POU2AF1: variants seen among roughly 807,000 people sequenced by gnomAD.
POU2AF1 encodes the protein POU domain class 2-associating factor 1.
Under a neutral mutation model 26.3 loss-of-function variants are expected in POU2AF1, and 12 were observed. That is an observed-to-expected ratio of 0.46 (90% CI 0.29 to 0.74). The LOEUF is 0.74. Among genes scored for constraint, POU2AF1 ranks in the 30% least tolerant of loss-of-function variants. The probability of loss-of-function intolerance (pLI) is 0.09; values close to 1 mark genes in which losing one functional copy is unlikely to be tolerated. For missense variants in POU2AF1, 297 were observed against 334.5 expected (o/e 0.89, Z 0.87); for synonymous variants, 175 against 148.0 (o/e 1.18, Z -1.32).
chr11:111,372,059 C>CAGAGAGAG (rs1257581791), intron 1 of POU2AF1, among the ~76,000 whole-genome samples: 24 of 143,808 alleles, frequency 1.7e-4, no homozygotes, highest in African/African-American at 5.7e-4. Flanking sequence ...CACACACACA[C>CAGAGAGAG]ACACACACAC....
chr11:111,358,702 A>T (rs1457054023), intron 2 of POU2AF1, 86 bp downstream of exon 2: 13 of 1,470,488 alleles, frequency 8.8e-6, no homozygotes, highest in Non-Finnish European at 1.0e-5. Flanking sequence ...ACATACTCAC[A>T]CACACATACA....
intron 1 of POU2AF1, among the ~76,000 whole-genome samples, chr11:111,361,700 C>A (rs1017556466): frequency 5.3e-5 from 8 of 152,132 alleles, no homozygotes; most frequent in African/African-American, 1.9e-4. Flanking sequence ...CCTCCATTAC[C>A]TTCTAATGAA....
In POU2AF1 at chr11:111,358,910, G is replaced by A. The variant is rs778714103; in HGVS notation, c.25C>T (p.Pro9Ser). The stretch of plus-strand genomic sequence containing the variant: ...CGGGCCGGGGCTGGGGCTTGCTCCG[G>A]AGCTGTGGCTGTGAAAAGCAATGTC... MLWQKPTA[P>S]EQAPAPARPY... Residue 9 changes from proline (P) to serine (S), a missense_variant, in exon 2 of 5, where the codon CCG becomes TCG. By Grantham distance (74) the Pro-to-Ser change is moderately conservative (BLOSUM62 -1). Transcript: ENST00000393067. 1.5e-5 allele frequency: 24 copies of A among 1,603,466 alleles called. No homozygotes were observed. The highest frequency in any genetic ancestry group is 1.9e-5 in the Non-Finnish European group (22 of 1,178,894).
intron 1 of POU2AF1, among the ~76,000 whole-genome samples, chr11:111,364,984 T>C (rs1460638601): frequency 6.6e-6 from 1 of 152,204 alleles, no homozygotes. Flanking sequence ...ATTTAAGCAA[T>C]ATCTAATTTT....
chr11:111,358,380 T>TCTCA, intron 2 of POU2AF1, among the ~76,000 whole-genome samples: 1 of 16,112 alleles, frequency 6.2e-5, no homozygotes, highest in Non-Finnish European at 1.9e-4. Flanking sequence ...ACACACTCTC[T>TCTCA]CACACACACT....
intron 1 of POU2AF1, 145 bp downstream of exon 1, chr11:111,379,017 C>A: frequency 2.1e-6 from 1 of 473,278 alleles, no homozygotes. Flanking sequence ...CCTCCCCCCT[C>A]CCTGCTCCGG....
chr11:111,362,729 G>A (rs1405332540), intron 1 of POU2AF1, among the ~76,000 whole-genome samples: 1 of 152,072 alleles, frequency 6.6e-6, no homozygotes, highest in African/African-American at 2.4e-5. Context: ...CTGAGGCATT[G>A]TGTACTCAAG....
intron 1 of POU2AF1, among the ~76,000 whole-genome samples, chr11:111,373,496 A>C (rs937508045): frequency 8.5e-5 from 13 of 152,362 alleles, no homozygotes; most frequent in African/African-American, 2.6e-4. Context: ...AGCAGATAGA[A>C]GAATCCCATC....
At chr11:111,363,497 C>T in intron 1 of POU2AF1, 2 of 1,005,728 alleles carry the variant, frequency 2.0e-6, no homozygotes, top group Non-Finnish European at 2.4e-6. Context: ...CTACTGCCAC[C>T]AGCATGAGAA....
At chr11:111,362,829 A>G (rs1861036338) in intron 1 of POU2AF1, 1 of 152,300 alleles carries the variant, frequency 6.6e-6, no homozygotes, top group Admixed American at 6.5e-5. Context: ...GCTCAATCCC[A>G]TATGCACATA....
At chr11:111,369,807 G>T (rs1487832524) in intron 1 of POU2AF1, among the ~76,000 whole-genome samples, 1 of 152,156 alleles carries the variant, frequency 6.6e-6, no homozygotes, top group Non-Finnish European at 1.5e-5. Flanking sequence ...GCAGAGGAAA[G>T]GGCTGTCTCT....
chr11:111,359,327 A>C, intron 1 of POU2AF1: 1 of 228,840 alleles, frequency 4.4e-6, no homozygotes, highest in Non-Finnish European at 8.6e-6. Context: ...ACTTCTTCCA[A>C]CCTCTTGATT....
intron 1 of POU2AF1, among the ~76,000 whole-genome samples, chr11:111,366,803 C>A (rs894722944): frequency 2.0e-5 from 3 of 152,082 alleles, no homozygotes; most frequent in Non-Finnish European, 4.4e-5. Flanking sequence ...AGTCTTAGAG[C>A]CACAGAGCCC....
chr11:111,377,239 G>A (rs1861325864), intron 1 of POU2AF1, among the ~76,000 whole-genome samples: 1 of 151,852 alleles, frequency 6.6e-6, no homozygotes, highest in Non-Finnish European at 1.5e-5. Context: ...AAACAGCTGG[G>A]TGTGGTGGCG....
intron 1 of POU2AF1, among the ~76,000 whole-genome samples, chr11:111,368,084 A>G (rs1332239569): frequency 6.6e-6 from 1 of 152,216 alleles, no homozygotes; most frequent in Non-Finnish European, 1.5e-5. Context: ...CTAGTGGGGT[A>G]CACAGACTTT....
At chr11:111,356,347 G>C (rs1860845816) in intron 4 of POU2AF1, among the ~76,000 whole-genome samples, 1 of 152,188 alleles carries the variant, frequency 6.6e-6, no homozygotes, top group Non-Finnish European at 1.5e-5. Context: ...TGGGTAGGCA[G>C]GTGGACCTGG....
At chr11:111,379,013 CCCTCCCTGCTCCGGGGCTTGGA>C in intron 1 of POU2AF1, 127 bp downstream of exon 1, 1 of 760,434 alleles carries the variant, frequency 1.3e-6, no homozygotes, top group African/African-American at 1.9e-5. Context: ...CCCACCTCCC[CCCTCCCTGCTCCGGGGCTTGGA>C]ACCCAGACCC....
At chr11:111,357,314 C>T in intron 4 of POU2AF1, 131 bp downstream of exon 4, 2 of 1,326,310 alleles carry the variant, frequency 1.5e-6, no homozygotes, top group Admixed American at 2.0e-5. Context: ...CCATGGAGAC[C>T]AAGGCGAGCT....
At chr11:111,371,651 C>A (rs538578566) in intron 1 of POU2AF1, among the ~76,000 whole-genome samples, 1 of 152,250 alleles carries the variant, frequency 6.6e-6, no homozygotes, top group Non-Finnish European at 1.5e-5. Context: ...AAATTGTAAT[C>A]TAAAATTAGC....
Sources: gnomAD v4.1 joint callset for allele counts (sites outside exome capture counted in the v4.1 genomes callset) on GRCh38, gnomAD v4.1.1 for gene constraint, MANE v1.5 for transcripts, NCBI Gene and HGNC (gene_info 2026-07-23, HGNC 2026-07-21) for gene names.